Variants in NRCAM observed in about 807,000 individuals in gnomAD.
NRCAM encodes the protein neuronal cell adhesion molecule, also known as NgCAM-related cell adhesion molecule.
A neutral mutation model predicts 156.5 loss-of-function variants in NRCAM; 83 were observed. That is an observed-to-expected ratio of 0.53 (90% CI 0.44 to 0.64). The LOEUF is 0.64. Among genes scored for constraint, NRCAM ranks in the 30% least tolerant of loss-of-function variants. The probability of loss-of-function intolerance (pLI) is 0.00; values close to 1 mark genes in which losing one functional copy is unlikely to be tolerated. For missense variants in NRCAM, 1,417 were observed against 1,597.3 expected (o/e 0.89, Z 1.92); for synonymous variants, 538 against 563.9 (o/e 0.95, Z 0.65).
intron 3 of NRCAM, among the ~76,000 whole-genome samples, chr7:108,300,160 C>CTTTTTTTTTTTTTTTTTTT (rs10665036): frequency 4.6e-5 from 3 of 65,858 alleles, no homozygotes; most frequent in African/African-American, 1.1e-4. Flanking sequence ...TTTCTGTTGA[C>CTTTTTTTTTTTTTTTTTTT]TTTTTTTTTT....
chr7:108,198,439 G>A (rs2076265877), intron 13 of NRCAM, among the ~76,000 whole-genome samples: 2 of 151,688 alleles, frequency 1.3e-5, no homozygotes, highest in African/African-American at 2.4e-5. Flanking sequence ...TGTGCACAAT[G>A]TGCAGGTTTG....
At chr7:108,211,604 T>A (rs2084471991) in intron 11 of NRCAM, among the ~76,000 whole-genome samples, 1 of 152,160 alleles carries the variant, frequency 6.6e-6, no homozygotes, top group Non-Finnish European at 1.5e-5. Context: ...GGCCTGTGAC[T>A]GCTGGATTTC....
chr7:108,323,374 C>T (rs1053554714), intron 2 of NRCAM, among the ~76,000 whole-genome samples: 1 of 152,152 alleles, frequency 6.6e-6, no homozygotes, highest in East Asian at 1.9e-4. Flanking sequence ...GCATCATTTG[C>T]ATTTAAGCAT....
intron 11 of NRCAM, among the ~76,000 whole-genome samples, chr7:108,213,261 C>A (rs1246693729): frequency 6.6e-6 from 1 of 152,148 alleles, no homozygotes; most frequent in Non-Finnish European, 1.5e-5. Context: ...AATCTTAAAA[C>A]AAATCCTGGA....
chr7:108,394,881 C>T (rs1259315403), intron 2 of NRCAM, among the ~76,000 whole-genome samples: 1 of 152,060 alleles, frequency 6.6e-6, no homozygotes, highest in African/African-American at 2.4e-5. Context: ...AAACAAATAG[C>T]AAAGATACTT....
chr7:108,170,999 C>T (rs976796889), intron 28 of NRCAM, among the ~76,000 whole-genome samples: 1 of 152,252 alleles, frequency 6.6e-6, no homozygotes, highest in South Asian at 2.1e-4. Context: ...TTGCATTTAG[C>T]TTATTCTTAA....
Position 108,149,723 on chromosome 7 carries a change from T to C in NRCAM, c.*187A>G. On this transcript the variant is annotated 3_prime_UTR_variant, in exon 33 of 33. Transcript: ENST00000379028. ...CATTTTGAATGAAAAAGTATGCACT[T>C]TGCATTCCAGTTCATATTAACATAT... 1.7e-6 allele frequency: 1 copy of C among 589,634 alleles called. No individual in the cohort carries two copies. The highest frequency in any genetic ancestry group is 2.8e-5 in the East Asian group (1 of 35,642). The allele number at this position is 589,634 out of a possible 1,614,324, so 36.5% of individuals were successfully genotyped here.
intron 1 of NRCAM, among the ~76,000 whole-genome samples, chr7:108,445,098 T>C (rs1842828549): frequency 6.6e-6 from 1 of 152,276 alleles, no homozygotes; most frequent in Non-Finnish European, 1.5e-5. Context: ...TATTGGTTTA[T>C]GGGGTTGCTA....
intron 2 of NRCAM, among the ~76,000 whole-genome samples, chr7:108,314,103 G>A (rs114123667): frequency 0.017 from 2,611 of 152,158 alleles, 74 homozygotes; most frequent in African/African-American, 0.06. Context: ...ATGGCATCAC[G>A]TGGAAAAAAC....
intron 2 of NRCAM, among the ~76,000 whole-genome samples, chr7:108,379,077 T>C (rs1390843316): frequency 6.6e-6 from 1 of 152,024 alleles, no homozygotes; most frequent in Non-Finnish European, 1.5e-5. Context: ...TCTCAGGATT[T>C]CAAAATACTA....
chr7:108,351,822 T>C (rs1043420657), intron 2 of NRCAM, among the ~76,000 whole-genome samples: 1 of 152,130 alleles, frequency 6.6e-6, no homozygotes, highest in African/African-American at 2.4e-5. Context: ...AATACACATT[T>C]AACAAAAGAA....
At chr7:108,394,101 C>G (rs1283218914) in intron 2 of NRCAM, among the ~76,000 whole-genome samples, 2 of 152,150 alleles carry the variant, frequency 1.3e-5, no homozygotes, top group Non-Finnish European at 2.9e-5. Flanking sequence ...TTTGTGTTCC[C>G]AAGTCGACCA....
At chr7:108,341,150 G>A (rs1373577565) in intron 2 of NRCAM, among the ~76,000 whole-genome samples, 3 of 152,158 alleles carry the variant, frequency 2.0e-5, no homozygotes, top group African/African-American at 7.2e-5. Flanking sequence ...TATGTCAAAG[G>A]AATCAATGGA....
intron 9 of NRCAM, among the ~76,000 whole-genome samples, chr7:108,225,915 G>A (rs1050945197): frequency 3.9e-5 from 6 of 152,152 alleles, no homozygotes; most frequent in Non-Finnish European, 7.3e-5. Context: ...CTGCAGGACC[G>A]CCAATAAGAG....
At chr7:108,254,551 C>CT (rs71137620) in intron 3 of NRCAM, among the ~76,000 whole-genome samples, 1,463 of 130,290 alleles carry the variant, frequency 0.011, 34 homozygotes, top group African/African-American at 0.026. Context: ...AACAATTTTG[C>CT]TTTTTTTTTT....
At chr7:108,157,641 T>C (rs191070118) in intron 32 of NRCAM, among the ~76,000 whole-genome samples, 1 of 152,256 alleles carries the variant, frequency 6.6e-6, no homozygotes, top group East Asian at 1.9e-4. Flanking sequence ...GGGTTTGGGC[T>C]TCCAGTATAC....
At chr7:108,318,510 AG>A (rs2098959614) in intron 2 of NRCAM, among the ~76,000 whole-genome samples, 1 of 152,224 alleles carries the variant, frequency 6.6e-6, no homozygotes, top group African/African-American at 2.4e-5. Context: ...AAGTAATATC[AG>A]GAACGTTCCA....
At chr7:108,360,380 A>T (rs917983334) in intron 2 of NRCAM, among the ~76,000 whole-genome samples, 1 of 152,214 alleles carries the variant, frequency 6.6e-6, no homozygotes, top group African/African-American at 2.4e-5. Context: ...GCACAGGTAC[A>T]TTCAAATGAA....
intron 3 of NRCAM, among the ~76,000 whole-genome samples, chr7:108,266,055 TTTC>T (rs2097091883): frequency 6.6e-6 from 1 of 152,232 alleles, no homozygotes; most frequent in Non-Finnish European, 1.5e-5. Context: ...TCATAAATTT[TTTC>T]TTTTTTTCAT....
Sources: allele counts gnomAD v4.1 joint callset (sites outside exome capture counted in the v4.1 genomes callset), GRCh38; gene constraint gnomAD v4.1.1; transcripts MANE v1.5; gene names NCBI Gene and HGNC (gene_info 2026-07-23, HGNC 2026-07-21).